The following YWHAZ variants were observed in gnomAD, a reference collection of about 807,000 sequenced individuals.
The protein encoded by YWHAZ is 14-3-3 protein zeta/delta.
For synonymous variants in YWHAZ, 87 were observed against 103.6 expected (o/e 0.84, Z 0.97); for missense variants, 79 against 284.8 (o/e 0.28, Z 5.20).
intron 2 of YWHAZ, among the ~76,000 whole-genome samples, chr8:100,939,382 G>A (rs1482620970): frequency 6.6e-6 from 1 of 152,144 alleles, no homozygotes; most frequent in Non-Finnish European, 1.5e-5. Context: ...ATCTAACGCT[G>A]GGCACGGTGG....
rs200634118 is a variant in YWHAZ at position 100,929,201 on chromosome 8, A to ATT, written c.295-4164_295-4163dup. ...GGGATATCCATCACCTCAAACATTG[A>ATT]TTTTTTTTTTTTTTTTTTGAGACAG... On this transcript the variant is annotated intron_variant, in intron 2 of 5. Transcript: ENST00000395958. 6.4e-4 allele frequency among the ~76,000 whole-genome samples: 88 copies of ATT among 138,394 alleles called. 1 individual carries two copies. The highest frequency in any genetic ancestry group is 1.5e-3 in the African/African-American group (56 of 37,270). 90.8% of individuals were successfully genotyped at this position (138,394 alleles called of 152,430 possible).
intron 2 of YWHAZ, among the ~76,000 whole-genome samples, chr8:100,940,627 A>G (rs1809766458): frequency 6.6e-6 from 1 of 152,248 alleles, no homozygotes; most frequent in Non-Finnish European, 1.5e-5. Context: ...AAATGAAACC[A>G]CAATAAAGTG....
Position 100,916,611 on chromosome 8 carries a change from A to T in YWHAZ, c.*4082T>A, listed in dbSNP as rs1422377392. 6.6e-6 allele frequency: 1 copy of T among 152,276 alleles called. No homozygotes were observed. The highest frequency in any genetic ancestry group is 1.5e-5 in the Non-Finnish European group (1 of 68,050). 9.4% of individuals were successfully genotyped at this position (152,276 alleles called of 1,614,324 possible). On this transcript the variant is annotated 3_prime_UTR_variant, in exon 6 of 6. Coordinates refer to ENST00000395958, the MANE Select transcript of YWHAZ (RefSeq NM_145690.3). ...AATTCTAAAATTCGGAATACTAAGAAGTAATCAATTAAGACCAGTTAGGTT... is the reference window on the plus strand; with the variant it reads ...AATTCTAAAATTCGGAATACTAAGATGTAATCAATTAAGACCAGTTAGGTT...
In YWHAZ at chr8:100,951,472, C is replaced by CCCG. The variant is rs558796339; in HGVS notation, c.-12+454_-12+456dup. On this transcript the variant is annotated intron_variant, in intron 1 of 5. Transcript: ENST00000395958. ...CGGCCTCACCTGCGCCACTGCGATG[C>CCCG]CCGCCGCCGCCGCCGCCGAGTCATT... The CCCG allele has an allele frequency of 2.5e-4, 244 of 980,138 alleles. 1 individual carries two copies. The highest frequency in any genetic ancestry group is 1.2e-3 in the South Asian group (26 of 21,228). The allele number at this position is 980,138 out of a possible 1,614,324, so 60.7% of individuals were successfully genotyped here.
chr8:100,937,481 T>C (rs2130253859), intron 2 of YWHAZ, among the ~76,000 whole-genome samples: 1 of 152,294 alleles, frequency 6.6e-6, no homozygotes, highest in African/African-American at 2.4e-5. Context: ...AGACATCGAG[T>C]GTCATTAGCA....
At chr8:100,943,803 G>A (rs547226256) in intron 2 of YWHAZ, among the ~76,000 whole-genome samples, 3 of 152,020 alleles carry the variant, frequency 2.0e-5, no homozygotes, top group African/African-American at 4.8e-5. Context: ...TGGCTAACAC[G>A]GTGAAACCCC....
Position 100,948,336 on chromosome 8 carries a change from AATT to A in YWHAZ, c.294+257_294+259del, listed in dbSNP as rs769645653. The stretch of plus-strand genomic sequence containing the variant: ...AGTAACACAATTAGTTTATATTTTC[AATT>A]AATATAAAATACAATACTAAAGTCT... On this transcript the variant is annotated intron_variant, in intron 2 of 5. Transcript: ENST00000395958. The surrounding 1 kb of genome is among the most constrained non-coding windows in gnomAD (Gnocchi z 4.2). Among the ~76,000 whole-genome samples, 91 of 152,356 alleles carry A rather than the reference AATT, an allele frequency of 6.0e-4. No individual in the cohort carries two copies. The highest frequency in any genetic ancestry group is 1.8e-4 in the Non-Finnish European group (12 of 68,026).
At chr8:100,952,309 C>G (rs1054841479), upstream of YWHAZ, 5 of 264,348 alleles carry the variant, frequency 1.9e-5, no homozygotes, top group Middle Eastern at 1.9e-3. Flanking sequence ...CCGAGTGCAC[C>G]TAGGGCAGGA....
rs141055509 is a variant in YWHAZ, at chr8:100,949,709, T to C, written c.-11-809A>G. Reference sequence around the variant, plus strand: ...AGTGTTTCCAATGTCATCGCTCCAGTTGAAATGCAGAAGTGCTGCATTTTG... The same window carrying C: ...AGTGTTTCCAATGTCATCGCTCCAGCTGAAATGCAGAAGTGCTGCATTTTG... On this transcript the variant is annotated intron_variant, in intron 1 of 5. Transcript: ENST00000395958. Among the ~76,000 whole-genome samples, 546 of 152,340 alleles carry C rather than the reference T, an allele frequency of 3.6e-3. 5 individuals carry two copies. The highest frequency in any genetic ancestry group is 0.012 in the African/African-American group (518 of 41,574).
intron 1 of YWHAZ, 139 bp downstream of exon 1, chr8:100,951,790 C>G: frequency 1.0e-6 from 1 of 985,398 alleles, no homozygotes; most frequent in Non-Finnish European, 1.2e-6. Context: ...CCCGTGTCCG[C>G]TGAGGAGACT....
At chr8:100,938,569 T>G (rs1248153438) in intron 2 of YWHAZ, among the ~76,000 whole-genome samples, 3 of 152,222 alleles carry the variant, frequency 2.0e-5, no homozygotes, top group East Asian at 3.8e-4. Flanking sequence ...TTCAGCATAG[T>G]GTAGTTCAAA....
intron 2 of YWHAZ, among the ~76,000 whole-genome samples, chr8:100,942,363 G>T (rs1291710473): frequency 3.3e-5 from 5 of 152,166 alleles, no homozygotes; most frequent in African/African-American, 1.2e-4. Flanking sequence ...CTATTGCACA[G>T]TAACTTTCAC....
chr8:100,941,321 G>C (rs1279044463), intron 2 of YWHAZ, among the ~76,000 whole-genome samples: 1 of 152,200 alleles, frequency 6.6e-6, no homozygotes, highest in Non-Finnish European at 1.5e-5. Context: ...TATAAGCTGA[G>C]TGTTCATAAG....
upstream of YWHAZ, chr8:100,952,204 C>A: frequency 2.0e-6 from 2 of 976,144 alleles, no homozygotes; most frequent in African/African-American, 1.8e-5. Context: ...TCGTCCTGCC[C>A]GCCCGCGCTG....
chr8:100,931,109 T>TA (rs1297585109), intron 2 of YWHAZ, among the ~76,000 whole-genome samples: 2 of 152,226 alleles, frequency 1.3e-5, no homozygotes, highest in African/African-American at 4.8e-5. Flanking sequence ...ATTAACCTCT[T>TA]AGATTGTGAA....
At chr8:100,932,584 C>T (rs1034496573) in intron 2 of YWHAZ, among the ~76,000 whole-genome samples, 1 of 152,122 alleles carries the variant, frequency 6.6e-6, no homozygotes, top group African/African-American at 2.4e-5. Context: ...TCCAAAGCTT[C>T]AATTTTATCT....
chr8:100,947,552 G>A (rs988678328), intron 2 of YWHAZ, among the ~76,000 whole-genome samples: 10 of 152,298 alleles, frequency 6.6e-5, no homozygotes, highest in Non-Finnish European at 1.5e-4. Flanking sequence ...TTTAGGAACT[G>A]ATGCTATTCC....
At position 100,951,330 on chromosome 8, in the gene YWHAZ, G is replaced by A. The variant is rs1251251903; in HGVS notation, c.-12+599C>T. 16 of 984,310 alleles carry A rather than the reference G, an allele frequency of 1.6e-5. 1 individual carries two copies. In the South Asian group the frequency reaches 2.4e-4, roughly 14 times the overall value. The allele number at this position is 984,310 out of a possible 1,614,324, so 61.0% of individuals were successfully genotyped here. On this transcript the variant is annotated intron_variant, in intron 1 of 5. Transcript: ENST00000395958. ...TCCCCGAGGCCCCCGGCCCCTCCCC[G>A]CCGCGCCACCGCCTCCCGGGGTGGG...
intron 2 of YWHAZ, among the ~76,000 whole-genome samples, chr8:100,929,085 A>T (rs1813577077): frequency 6.6e-6 from 1 of 152,232 alleles, no homozygotes; most frequent in African/African-American, 2.4e-5. Flanking sequence ...TTTTAAAAAA[A>T]TTTTAATTGA....
Sources: allele counts gnomAD v4.1 joint callset (sites outside exome capture counted in the v4.1 genomes callset), GRCh38; gene constraint gnomAD v4.1.1; non-coding constraint Gnocchi (gnomAD v3.1); transcripts MANE v1.5; gene names NCBI Gene and HGNC (gene_info 2026-07-23, HGNC 2026-07-21).